TET3: variants seen among roughly 807,000 people sequenced by gnomAD.
The protein encoded by TET3 is methylcytosine dioxygenase TET3.
TET3 carries 19 observed loss-of-function variants against 141.4 expected under a neutral mutation model. The ratio of observed to expected loss-of-function variants is 0.13; its 90% confidence interval spans 0.09 to 0.20. The LOEUF (loss-of-function observed/expected upper bound fraction) is 0.20. TET3 is among the 10% of genes least tolerant of loss of function. The pLI, the probability that TET3 is intolerant of heterozygous loss-of-function variation, is 1.00. For synonymous variants in TET3, 1,043 were observed against 980.9 expected (o/e 1.06, Z -1.18); for missense variants, 1,874 against 2,356.9 (o/e 0.80, Z 4.24).
intron 3 of TET3, among the ~76,000 whole-genome samples, chr2:74,040,633 C>T (rs1261621449): frequency 6.6e-6 from 1 of 152,060 alleles, no homozygotes; most frequent in Non-Finnish European, 1.5e-5. Context: ...ACATTTAGAC[C>T]AGGCATGGGG....
At chr2:74,131,395 G>A in the TET3 span, among the ~76,000 whole-genome samples, 1 of 152,102 alleles carries the variant, frequency 6.6e-6, no homozygotes, top group Non-Finnish European at 1.5e-5. Flanking sequence ...GCTCTCCGCG[G>A]GTCATTCACT....
At chr2:74,052,002 A>G (rs1456048943) in intron 4 of TET3, among the ~76,000 whole-genome samples, 1 of 152,160 alleles carries the variant, frequency 6.6e-6, no homozygotes, top group Non-Finnish European at 1.5e-5. Flanking sequence ...GTCTGGCCAC[A>G]TGCTTCTCGC....
At chr2:74,116,438 T>C in the TET3 span, among the ~76,000 whole-genome samples, 1 of 152,148 alleles carries the variant, frequency 6.6e-6, no homozygotes, top group Admixed American at 6.5e-5. Context: ...ATCCCAGCAC[T>C]TTGGGAGGCC....
intron 2 of TET3, among the ~76,000 whole-genome samples, chr2:73,989,593 G>A (rs1283940137): frequency 2.0e-5 from 3 of 152,150 alleles, no homozygotes; most frequent in Non-Finnish European, 4.4e-5. Context: ...CAGCATTTTA[G>A]GGCTAGAGAC....
rs1295861194 is a variant in TET3, at chr2:74,047,823, G to A, written c.1906G>A (p.Ala636Thr). The A allele has an allele frequency of 1.2e-6, 2 of 1,613,234 alleles. No individual in the cohort carries two copies. Among genetic ancestry groups the A allele is most frequent in the Non-Finnish European group, 1.7e-6 (2 of 1,179,582 alleles). Reference protein sequence around the residue: ...QIVLEGLRSPASQEVQAHPPA... With the variant: ...QIVLEGLRSPTSQEVQAHPPA... ...TGTCCTGGAAGGGCTTAGGTCCCCA[G>A]CCTCCCAGGAAGTGCAGGCTCATCC... Residue 636 changes from alanine to threonine, a missense_variant, in exon 4 of 12, where the codon GCC becomes ACC. Ala to Thr is a moderately conservative substitution (Grantham distance 58, BLOSUM62 0). Transcript: ENST00000409262.
intron 4 of TET3, among the ~76,000 whole-genome samples, chr2:74,066,525 A>G (rs1285552057): frequency 6.6e-6 from 1 of 152,202 alleles, no homozygotes; most frequent in Non-Finnish European, 1.5e-5. Flanking sequence ...TAAGTCAGCA[A>G]CTTTGTTGTC....
chr2:74,024,643 A>C (rs767856529), intron 3 of TET3, among the ~76,000 whole-genome samples: 1 of 152,044 alleles, frequency 6.6e-6, no homozygotes, highest in Non-Finnish European at 1.5e-5. Flanking sequence ...CCTGCCTCCA[A>C]CCAGCCATTT....
intron 3 of TET3, among the ~76,000 whole-genome samples, chr2:74,028,679 T>C (rs1335497492): frequency 6.6e-5 from 10 of 152,250 alleles, no homozygotes; most frequent in African/African-American, 2.4e-4. Context: ...TTGTTTGGTA[T>C]TAACATTTAC....
chr2:74,013,670 G>A (rs189967603), intron 3 of TET3, among the ~76,000 whole-genome samples: 1 of 152,126 alleles, frequency 6.6e-6, no homozygotes, highest in African/African-American at 2.4e-5. Flanking sequence ...AAATTAGCCG[G>A]GCGTGGTGGC....
Position 74,047,789 on chromosome 2 carries a change from C to T in TET3, c.1872C>T (p.Val624=). The change falls in exon 4 of 12, where the codon GTC becomes GTT. Residue 624 remains valine (V), a synonymous_variant. Coordinates refer to ENST00000409262, the MANE Select transcript of TET3 (RefSeq NM_001287491.2). ...PREAQPLFPP[V]RQIVLEGLRS... ...AAGCACAGCCCCTCTTCCCACCTGTCCGACAGATTGTCCTGGAAGGGCTTA... is the reference window on the plus strand; with the variant it reads ...AAGCACAGCCCCTCTTCCCACCTGTTCGACAGATTGTCCTGGAAGGGCTTA... 4.3e-6 allele frequency: 7 copies of T among 1,613,748 alleles called. No homozygotes were observed. Among genetic ancestry groups the T allele is most frequent in the Non-Finnish European group, 5.9e-6 (7 of 1,179,806 alleles).
At chr2:74,061,473 C>A (rs1287015756) in intron 4 of TET3, among the ~76,000 whole-genome samples, 6 of 149,146 alleles carry the variant, frequency 4.0e-5, no homozygotes, top group African/African-American at 1.2e-4. Context: ...GGGGACTGAC[C>A]CCCCCACCTC....
At chr2:74,024,900 G>A (rs1430773054) in intron 3 of TET3, among the ~76,000 whole-genome samples, 1 of 152,014 alleles carries the variant, frequency 6.6e-6, no homozygotes, top group Non-Finnish European at 1.5e-5. Context: ...TTCTTTCTCT[G>A]TAATTTGTAT....
chr2:74,052,556 C>CA (rs70965779), intron 4 of TET3, among the ~76,000 whole-genome samples: 11,636 of 92,210 alleles, frequency 0.13, 982 homozygotes, highest in African/African-American at 0.25. Context: ...TTCCTATAGC[C>CA]AAAAAAAAAA....
intron 7 of TET3, among the ~76,000 whole-genome samples, chr2:74,089,357 C>T (rs980339525): frequency 3.9e-5 from 6 of 152,158 alleles, no homozygotes; most frequent in East Asian, 1.9e-4. Context: ...ATCAATGAGT[C>T]GTAATCCACT....
chr2:74,060,971 C>A (rs575593718), intron 4 of TET3, among the ~76,000 whole-genome samples: 25 of 152,302 alleles, frequency 1.6e-4, no homozygotes, highest in East Asian at 9.6e-4. Context: ...ACCTTTCCCC[C>A]CTTTCTATTC....
chr2:74,087,821 T>C lies in TET3; in HGVS notation c.2680-9T>C. On this transcript the variant is annotated splice_polypyrimidine_tract_variant and intron_variant, in intron 6 of 11. Transcript: ENST00000409262. The surrounding 1 kb of genome is among the most constrained non-coding windows in gnomAD (Gnocchi z 4.3). ...TGGCTCCTGCCCCTCACACCCTGCG[T>C]CCCTGCAGGTGATCCGCAGGCACAC... The C allele has an allele frequency of 6.5e-7, 1 of 1,544,988 alleles. No homozygotes were observed. The highest frequency in any genetic ancestry group is 1.7e-4 in the Middle Eastern group (1 of 5,908).
chr2:74,048,889 G>T (rs1000992654), intron 4 of TET3, among the ~76,000 whole-genome samples: 43 of 152,162 alleles, frequency 2.8e-4, no homozygotes, highest in African/African-American at 1.0e-3. Flanking sequence ...GGTGTCAGGG[G>T]CCAGATTGTG....
chr2:74,057,707 A>G (rs1296480090), intron 4 of TET3, among the ~76,000 whole-genome samples: 1 of 152,208 alleles, frequency 6.6e-6, no homozygotes, highest in Non-Finnish European at 1.5e-5. Context: ...GCCTCCTAAC[A>G]GTGCCTACAG....
At chr2:74,131,877 C>G in the TET3 span, among the ~76,000 whole-genome samples, 483 of 151,538 alleles carry the variant, frequency 3.2e-3, 1 homozygote, top group African/African-American at 0.011. Context: ...TGTGATTCCT[C>G]TCCCAACTTT....
Sources: allele counts gnomAD v4.1 joint callset (sites outside exome capture counted in the v4.1 genomes callset), GRCh38; gene constraint gnomAD v4.1.1; non-coding constraint Gnocchi (gnomAD v3.1); transcripts MANE v1.5; gene names NCBI Gene and HGNC (gene_info 2026-07-23, HGNC 2026-07-21).